The following RPS24 variants were observed in gnomAD, a reference collection of about 807,000 sequenced individuals.
RPS24 encodes small ribosomal subunit protein eS24.
For synonymous variants in RPS24, 72 were observed against 55.6 expected (o/e 1.30, Z -1.31); for missense variants, 100 against 162.5 (o/e 0.62, Z 2.09).
Position 78,037,390 on chromosome 10 carries a change from A to G in RPS24, c.390+86A>G, listed in dbSNP as rs117691573. On this transcript the variant is annotated intron_variant, in intron 4 of 5. Transcript: ENST00000372360. ...AAGAAGGGATCTTATTAATTTTTAA[A>G]ATAACTTTTCTTAATGTTTCTTCTT... is the stretch of plus-strand genomic sequence containing the variant. 7.3e-6 allele frequency: 11 copies of G among 1,504,518 alleles called. No individual in the cohort carries two copies. In the East Asian group the frequency reaches 2.5e-4, roughly 34 times the overall value. 93.2% of individuals were successfully genotyped at this position (1,504,518 alleles called of 1,614,324 possible).
At chr10:78,055,325 T>G in exon 5 of RPS24, 1 of 290,364 alleles carries the variant, frequency 3.4e-6, no homozygotes, top group Non-Finnish European at 6.3e-6. Context: ...TCTTGTTTAT[T>G]GGTATTTTCC....
At chr10:78,052,666 C>G (rs1446691700) in intron 4 of RPS24, among the ~76,000 whole-genome samples, 1 of 152,180 alleles carries the variant, frequency 6.6e-6, no homozygotes, top group African/African-American at 2.4e-5. Context: ...GAGGAGTCTA[C>G]TCAGACAAGA....
rs763522166 is a variant in RPS24, at chr10:78,040,242, T to A, written c.*19+17T>A. Reference sequence around the variant, plus strand: ...GGATCACAGGTATAATTCAAGCTTTTCATGTAGTCATGTAGATCACTAGAC... The same window carrying A: ...GGATCACAGGTATAATTCAAGCTTTACATGTAGTCATGTAGATCACTAGAC... On this transcript the variant is annotated intron_variant, in intron 5 of 5. Transcript: ENST00000372360. 1 of 1,604,424 alleles carries A rather than the reference T, an allele frequency of 6.2e-7. No homozygotes were observed. The highest frequency in any genetic ancestry group is 8.5e-7 in the Non-Finnish European group (1 of 1,171,252).
At chr10:78,045,869 G>T (rs1487056269) in intron 4 of RPS24, among the ~76,000 whole-genome samples, 4 of 152,046 alleles carry the variant, frequency 2.6e-5, no homozygotes, top group Non-Finnish European at 5.9e-5. Context: ...GGGCGTGGTG[G>T]TGCGTGCCTG....
chr10:78,038,840 C>T (rs1292934034), intron 4 of RPS24: 1 of 152,094 alleles, frequency 6.6e-6, no homozygotes, highest in Non-Finnish European at 1.5e-5. Context: ...CCGTGTTGCT[C>T]AGGCTGCTCT....
chr10:78,046,557 G>C (rs1188006164), intron 4 of RPS24, among the ~76,000 whole-genome samples: 2 of 151,910 alleles, frequency 1.3e-5, no homozygotes, highest in Non-Finnish European at 2.9e-5. Context: ...GTTTCTCCAT[G>C]TTGGCCAGGC....
At chr10:78,040,379 T>C in intron 5 of RPS24, 154 bp downstream of exon 5, 1 of 761,890 alleles carries the variant, frequency 1.3e-6, no homozygotes, top group Non-Finnish European at 2.2e-6. Context: ...AACAGTGACA[T>C]GGTTTTGTTT....
At chr10:78,040,113 AT>A (rs1427811147) in intron 4 of RPS24, 90 bp from the exon 5 acceptor site, 1 of 1,241,986 alleles carries the variant, frequency 8.1e-7, no homozygotes, top group Non-Finnish European at 1.2e-6. Flanking sequence ...ATGCACTTAA[AT>A]GCAGATTATT....
Position 78,035,650 on chromosome 10 carries a change from C to T in RPS24, c.209C>T (p.Thr70Ile), listed in dbSNP as rs1264240163. Residue 70 changes from threonine to isoleucine, a missense_variant, in exon 3 of 6, where the codon ACT (threonine) becomes ATT (isoleucine). Thr to Ile is a moderately conservative substitution (Grantham distance 89). Transcript: ENST00000372360. ...ACTCATTTTGGTGGTGGCAAGACAA[C>T]TGGCTTTGGCATGATTTATGATTCC... ...FRTHFGGGKTTGFGMIYDSLD... is the reference protein window; with the variant it reads ...FRTHFGGGKTIGFGMIYDSLD... 2 of 1,608,234 alleles carry T rather than the reference C, an allele frequency of 1.2e-6. No individual in the cohort carries two copies. Among genetic ancestry groups the T allele is most frequent in the Non-Finnish European group, 1.7e-6 (2 of 1,179,942 alleles).
chr10:78,037,681 A>G (rs1847902431), intron 4 of RPS24: 2 of 331,874 alleles, frequency 6.0e-6, no homozygotes, highest in South Asian at 5.1e-5. Flanking sequence ...CACTGGTTTA[A>G]GAAGCAGTTG....
At chr10:78,042,945 G>A (rs1055155313), downstream of RPS24, among the ~76,000 whole-genome samples, 1 of 152,248 alleles carries the variant, frequency 6.6e-6, no homozygotes, top group South Asian at 2.1e-4. Flanking sequence ...TCATGGAGCC[G>A]AAACAGGTGC....
chr10:78,035,945 G>T (rs1484830655), intron 3 of RPS24: 2 of 549,496 alleles, frequency 3.6e-6, no homozygotes, highest in Non-Finnish European at 6.6e-6. Context: ...TAGTGTTCTT[G>T]GAGATGGGCT....
At chr10:78,040,065 C>T (rs1274511181) in intron 4 of RPS24, 139 bp from the exon 5 acceptor site, 1 of 793,190 alleles carries the variant, frequency 1.3e-6, no homozygotes, top group Non-Finnish European at 2.2e-6. Context: ...TATACAATTG[C>T]AAAGAACAAA....
At chr10:78,040,168 T>A in intron 4 of RPS24, 36 bp from the exon 5 acceptor site, 2 of 1,607,198 alleles carry the variant, frequency 1.2e-6, no homozygotes, top group Non-Finnish European at 1.7e-6. Context: ...TTCTTTTCCC[T>A]CCTTTCTCTT....
At chr10:78,033,968 C>T (rs1461185707) in intron 1 of RPS24, 64 bp downstream of exon 1, 2 of 1,600,380 alleles carry the variant, frequency 1.2e-6, no homozygotes, top group East Asian at 2.2e-5. Context: ...GTCCCTGGGT[C>T]CCAGTACTTG....
chr10:78,035,831 G>A, intron 3 of RPS24, 111 bp downstream of exon 3: 1 of 895,980 alleles, frequency 1.1e-6, no homozygotes, highest in Non-Finnish European at 1.8e-6. Flanking sequence ...ATACAACTCT[G>A]AAAGGATTAA....
Position 78,033,888 on chromosome 10 carries a change from G to T in RPS24, c.-14G>T, listed in dbSNP as rs373506274. On this transcript the variant is annotated 5_prime_UTR_variant, in exon 1 of 6. Coordinates refer to ENST00000372360, the MANE Select transcript of RPS24 (RefSeq NM_033022.4). ...CTCTTTTCCTCCTTGGCTGTCTGAA[G>T]ATAGATCGCCATCATGGTGAGTCTC... The T allele has an allele frequency of 6.2e-7, 1 of 1,614,076 alleles. No individual in the cohort carries two copies. The highest frequency in any genetic ancestry group is 2.2e-5 in the East Asian group (1 of 44,866).
chr10:78,050,891 A>T (rs1848092641), intron 4 of RPS24, among the ~76,000 whole-genome samples: 1 of 151,954 alleles, frequency 6.6e-6, no homozygotes. Flanking sequence ...CATTTTTATT[A>T]TGCCAAAAAG....
intron 1 of RPS24, 89 bp from the exon 2 acceptor site, chr10:78,035,263 T>A: frequency 7.7e-7 from 1 of 1,300,590 alleles, no homozygotes; most frequent in South Asian, 1.2e-5. Flanking sequence ...GGCTACAAAT[T>A]GGACTGCAAC....
Sources: allele counts gnomAD v4.1 joint callset (sites outside exome capture counted in the v4.1 genomes callset), GRCh38; gene constraint gnomAD v4.1.1; transcripts MANE v1.5; gene names NCBI Gene and HGNC (gene_info 2026-07-23, HGNC 2026-07-21).